The following CDC14A variants were observed in gnomAD, a reference collection of about 807,000 sequenced individuals.
CDC14A encodes the protein cell division cycle 14A.
CDC14A carries 53 observed loss-of-function variants against 74.4 expected under a neutral mutation model. The ratio of observed to expected loss-of-function variants is 0.71; its 90% CI spans 0.57 to 0.89. The LOEUF is 0.89. Ranked by LOEUF, CDC14A falls within the 40% of genes least tolerant of loss-of-function variation. CDC14A has a pLI of 0.00. For synonymous variants in CDC14A, 247 were observed against 258.4 expected (o/e 0.96, Z 0.43); for missense variants, 646 against 713.7 (o/e 0.91, Z 1.08).
intron 14 of CDC14A, among the ~76,000 whole-genome samples, 156 bp downstream of exon 14, chr1:100,498,363 C>G (rs993619612): frequency 6.6e-6 from 1 of 152,150 alleles, no homozygotes; most frequent in Non-Finnish European, 1.5e-5. Context: ...CCGTTCCTGT[C>G]TTGGGAAGGC....
chr1:100,395,389 G>A (rs1037358328), intron 4 of CDC14A, among the ~76,000 whole-genome samples: 6 of 152,028 alleles, frequency 3.9e-5, no homozygotes, highest in Admixed American at 6.5e-5. Context: ...TTTAGTAAGT[G>A]GACTACCATC....
chr1:100,425,345 C>T (rs1263635759), intron 5 of CDC14A, among the ~76,000 whole-genome samples: 1 of 152,124 alleles, frequency 6.6e-6, no homozygotes, highest in African/African-American at 2.4e-5. Context: ...AATTAACCAA[C>T]ACAATGAGCG....
intron 2 of CDC14A, 103 bp downstream of exon 2, chr1:100,353,955 T>A: frequency 3.0e-6 from 2 of 675,650 alleles, no homozygotes; most frequent in Non-Finnish European, 5.2e-6. Flanking sequence ...TCCCCCCCAA[T>A]GATACGAGTA....
intron 5 of CDC14A, among the ~76,000 whole-genome samples, chr1:100,438,869 G>A (rs959590700): frequency 1.3e-5 from 2 of 152,194 alleles, no homozygotes; most frequent in East Asian, 1.9e-4. Context: ...CCCTTGGAAC[G>A]TCTTCTGGCC....
At chr1:100,441,213 G>A (rs1363030572) in intron 6 of CDC14A, among the ~76,000 whole-genome samples, 1 of 152,106 alleles carries the variant, frequency 6.6e-6, no homozygotes, top group East Asian at 1.9e-4. Flanking sequence ...AGAAAGTTGT[G>A]GCATCCTTCC....
At chr1:100,395,791 C>T (rs1658384367) in intron 4 of CDC14A, among the ~76,000 whole-genome samples, 1 of 152,194 alleles carries the variant, frequency 6.6e-6, no homozygotes, top group East Asian at 1.9e-4. Flanking sequence ...CCTCTGTGGT[C>T]TCCTTGCTCA....
At chr1:100,444,409 G>A (rs1164974595) in intron 7 of CDC14A, among the ~76,000 whole-genome samples, 4 of 152,058 alleles carry the variant, frequency 2.6e-5, no homozygotes, top group East Asian at 3.9e-4. Flanking sequence ...CTTGTTCTTG[G>A]CCCCAAACCG....
chr1:100,519,732 G>A lies in CDC14A; in HGVS notation c.*1452G>A, dbSNP rs1650537826. On this transcript the variant is annotated 3_prime_UTR_variant, in exon 16 of 16. Transcript: ENST00000336454. ...GCAGTACCAAAAATTACACTCAACT[G>A]ATGAAAAAAACGAATTGTATGATTT... The A allele has an allele frequency of 6.6e-6, 1 of 152,178 alleles. No homozygotes were observed. The highest frequency in any genetic ancestry group is 1.5e-5 in the Non-Finnish European group (1 of 67,872). The allele number at this position is 152,178 out of a possible 1,614,324, so 9.4% of individuals were successfully genotyped here. A position where few individuals can be genotyped will look rare whatever the true frequency, so the allele number is the denominator to read the frequency against.
At chr1:100,485,151 A>T in intron 11 of CDC14A, 1 of 985,372 alleles carries the variant, frequency 1.0e-6, no homozygotes, top group Non-Finnish European at 1.2e-6. Flanking sequence ...GCATTTTTGG[A>T]ACTAGAAACA....
intron 3 of CDC14A, among the ~76,000 whole-genome samples, chr1:100,387,014 GT>G (rs59885122): frequency 3.6e-4 from 52 of 145,904 alleles, no homozygotes; most frequent in East Asian, 6.0e-4. Context: ...ACATTAAAGA[GT>G]TTTTTTTTTT....
At chr1:100,464,268 C>T (rs1328032547) in intron 9 of CDC14A, among the ~76,000 whole-genome samples, 1 of 151,768 alleles carries the variant, frequency 6.6e-6, no homozygotes, top group Non-Finnish European at 1.5e-5. Context: ...TCCCCACCCT[C>T]CCCATTAGCT....
At chr1:100,464,160 A>G (rs562953266) in intron 9 of CDC14A, among the ~76,000 whole-genome samples, 1 of 152,248 alleles carries the variant, frequency 6.6e-6, no homozygotes, top group Non-Finnish European at 1.5e-5. Context: ...GCGGTTTCCC[A>G]GAGACCCAGA....
chr1:100,393,125 C>CA, intron 4 of CDC14A: 6 of 1,472,284 alleles, frequency 4.1e-6, no homozygotes, highest in Non-Finnish European at 5.7e-6. Context: ...ATAGTCCGTT[C>CA]AGTCTCATAA....
chr1:100,453,720 A>C (rs949161345), intron 7 of CDC14A, among the ~76,000 whole-genome samples: 1 of 152,204 alleles, frequency 6.6e-6, no homozygotes, highest in Non-Finnish European at 1.5e-5. Context: ...GCTCACTGCA[A>C]CCTTCATCGC....
rs142630932 is a variant in CDC14A at position 100,355,641 on chromosome 1, G to T, written c.140+1789G>T. Among the ~76,000 whole-genome samples the T allele has an allele frequency of 4.0e-3, 603 of 152,274 alleles. 5 individuals are homozygous for T. The highest frequency in any genetic ancestry group is 0.014 in the African/African-American group (583 of 41,546). On this transcript the variant is annotated intron_variant, in intron 2 of 15. Coordinates refer to ENST00000336454, the MANE Select transcript of CDC14A (RefSeq NM_003672.4). ...TGAAATACGATGAGGACTTCAGCCT[G>T]GGCAGAGTGTGTACTTTTCTTAGTT... is the stretch of plus-strand genomic sequence containing the variant.
chr1:100,359,272 G>A (rs896313742), intron 2 of CDC14A, among the ~76,000 whole-genome samples: 3 of 152,218 alleles, frequency 2.0e-5, no homozygotes, highest in African/African-American at 7.2e-5. Flanking sequence ...GTTAGATGCT[G>A]TTATTATCAC....
At chr1:100,449,227 A>G (rs1665872972) in intron 7 of CDC14A, among the ~76,000 whole-genome samples, 3 of 152,214 alleles carry the variant, frequency 2.0e-5, no homozygotes, top group African/African-American at 7.2e-5. Context: ...GCATGGGTTC[A>G]TTCTGGATGC....
At chr1:100,471,386 C>T (rs1024188334) in intron 10 of CDC14A, among the ~76,000 whole-genome samples, 2 of 152,172 alleles carry the variant, frequency 1.3e-5, no homozygotes, top group Admixed American at 1.3e-4. Flanking sequence ...ATATACTAGC[C>T]TTAAACAATT....
intron 12 of CDC14A, among the ~76,000 whole-genome samples, chr1:100,495,493 T>C (rs1464544411): frequency 6.6e-6 from 1 of 152,168 alleles, no homozygotes; most frequent in Non-Finnish European, 1.5e-5. Context: ...ATAGCTCAGA[T>C]TGGGTTTAAA....
Sources: allele counts gnomAD v4.1 joint callset (sites outside exome capture counted in the v4.1 genomes callset), GRCh38; gene constraint gnomAD v4.1.1; transcripts MANE v1.5; gene names NCBI Gene and HGNC (gene_info 2026-07-23, HGNC 2026-07-21).